Variants in COPG1 observed in about 807,000 individuals in gnomAD.
COPG1 encodes coatomer subunit gamma-1.
COPG1 carries 29 observed loss-of-function variants against 102.8 expected under a neutral mutation model. The observed-to-expected ratio is 0.28, with a 90% CI of 0.21 to 0.38. COPG1 has a LOEUF of 0.38. COPG1 is among the 10% of genes least tolerant of loss of function. The pLI is 1.00. For missense variants in COPG1, 875 were observed against 1,132.7 expected, an observed-to-expected ratio of 0.77 and a Z score of 3.27; for synonymous variants, 406 against 421.6, an observed-to-expected ratio of 0.96 and a Z score of 0.45.
rs763132545 is a variant in COPG1 at position 129,277,432 on chromosome 3, G to A, written c.*8G>A. The A allele has an allele frequency of 6.2e-7, 1 of 1,613,296 alleles. No individual in the cohort carries two copies. The highest frequency in any genetic ancestry group is 8.5e-7 in the Non-Finnish European group (1 of 1,179,616). On this transcript the variant is annotated 3_prime_UTR_variant, in exon 24 of 24. Transcript: ENST00000314797. ...TTGGCATCTGTGGGATAAGAGGCCA[G>A]CCTGCATAGGACCTCATACCCTTCC...
At chr3:129,270,678 T>C (rs1001347340) in intron 18 of COPG1, among the ~76,000 whole-genome samples, 1 of 152,164 alleles carries the variant, frequency 6.6e-6, no homozygotes, top group Admixed American at 6.5e-5. Context: ...AGGCTGACTT[T>C]TTGTGGAGGA....
At position 129,277,360 on chromosome 3, in the gene COPG1, T is replaced by C; in HGVS notation, c.2561T>C (p.Met854Thr). The C allele has an allele frequency of 6.2e-7, 1 of 1,614,072 alleles. No individual in the cohort carries two copies. Reference sequence around the variant, plus strand: ...CTGCTGCTTTTGGACACAGTGACAATGCAGGTGACAGCCAGAAGTTTGGAG... The same window carrying C: ...CTGCTGCTTTTGGACACAGTGACAACGCAGGTGACAGCCAGAAGTTTGGAG... Reference protein sequence around the residue: ...SRLLLLDTVTMQVTARSLEEL... With the variant: ...SRLLLLDTVTTQVTARSLEEL... Residue 854 changes from methionine (M) to threonine (T), a missense_variant, in exon 24 of 24, where the codon ATG (methionine) becomes ACG (threonine). Met to Thr is a moderately conservative substitution (Grantham distance 81, BLOSUM62 -1). Transcript: ENST00000314797.
intron 12 of COPG1, among the ~76,000 whole-genome samples, chr3:129,263,331 C>T (rs1362607001): frequency 6.6e-6 from 1 of 152,026 alleles, no homozygotes; most frequent in African/African-American, 2.4e-5. Context: ...TTTGTGGTTG[C>T]AGACATGTGG....
At chr3:129,264,667 A>G (rs1389706158) in intron 13 of COPG1, among the ~76,000 whole-genome samples, 2 of 152,034 alleles carry the variant, frequency 1.3e-5, no homozygotes, top group Non-Finnish European at 2.9e-5. Flanking sequence ...TTTTTTAAGT[A>G]GAGATGGGGT....
chr3:129,254,702 T>C lies in COPG1; in HGVS notation c.358T>C (p.Tyr120His), dbSNP rs1939769849. 6.2e-7 allele frequency: 1 copy of C among 1,614,046 alleles called. No homozygotes were observed. The change falls in exon 6 of 24, where the codon TAC becomes CAC. Residue 120 changes from tyrosine to histidine, a missense_variant. Coordinates refer to ENST00000314797, the MANE Select transcript of COPG1 (RefSeq NM_016128.4). ...AGACATGACTGGGAAAGAAGACAAC[T>C]ACCGGGGCCCGGCCGTGCGAGCCCT... is the stretch of plus-strand genomic sequence containing the variant. ...TKDMTGKEDN[Y>H]RGPAVRALCQ...
chr3:129,260,867 C>T, intron 12 of COPG1, 60 bp downstream of exon 12: 1 of 1,550,106 alleles, frequency 6.5e-7, no homozygotes, highest in Non-Finnish European at 8.8e-7. Flanking sequence ...TCCCTGCTCT[C>T]TGTGGCCACA....
At chr3:129,266,190 T>A (rs1410077996) in intron 14 of COPG1, among the ~76,000 whole-genome samples, 3 of 152,154 alleles carry the variant, frequency 2.0e-5, no homozygotes, top group Admixed American at 1.3e-4. Flanking sequence ...CAGGATTGTC[T>A]CGATCTCTTG....
chr3:129,265,527 T>C, intron 13 of COPG1, 22 bp from the exon 14 acceptor site: 6 of 1,612,968 alleles, frequency 3.7e-6, no homozygotes, highest in Non-Finnish European at 5.1e-6. Flanking sequence ...GGCTCCTTGC[T>C]TAGCTCAGCT....
intron 19 of COPG1, 141 bp downstream of exon 19, chr3:129,272,050 C>T (rs750611440): frequency 3.0e-5 from 33 of 1,085,874 alleles, no homozygotes; most frequent in South Asian, 2.7e-4. Context: ...CCCAACAGGT[C>T]GGTCTCTCAT....
intron 23 of COPG1, 140 bp from the exon 24 acceptor site, chr3:129,277,150 CCTCA>C: frequency 1.3e-6 from 1 of 785,792 alleles, no homozygotes; most frequent in Non-Finnish European, 2.1e-6. Flanking sequence ...CAGTGAAATC[CCTCA>C]CTCAGGGATT....
intron 13 of COPG1, 29 bp from the exon 14 acceptor site, chr3:129,265,520 T>C: frequency 1.9e-6 from 3 of 1,612,172 alleles, no homozygotes; most frequent in Non-Finnish European, 1.7e-6. Context: ...GAGAGCAGGC[T>C]CCTTGCTTAG....
chr3:129,272,930 A>C, intron 21 of COPG1, 26 bp downstream of exon 21: 89 of 1,419,716 alleles, frequency 6.3e-5, no homozygotes, highest in Middle Eastern at 1.8e-4. Flanking sequence ...CAGGAAGCTC[A>C]GTTTTGTGCT....
intron 10 of COPG1, among the ~76,000 whole-genome samples, chr3:129,259,477 AAAAG>A (rs796284499): frequency 0.04 from 5,933 of 149,994 alleles, 457 homozygotes; most frequent in African/African-American, 0.14. Flanking sequence ...AAAAAAAAAA[AAAAG>A]AAATGGAAAA....
chr3:129,269,347 T>C (rs772937083), intron 18 of COPG1, among the ~76,000 whole-genome samples: 9 of 152,162 alleles, frequency 5.9e-5, no homozygotes, highest in Non-Finnish European at 1.0e-4. Context: ...ACTGGTACTT[T>C]TTGTCGGGTT....
At chr3:129,269,982 C>A (rs1488659551) in intron 18 of COPG1, among the ~76,000 whole-genome samples, 1 of 149,008 alleles carries the variant, frequency 6.7e-6, no homozygotes, top group Non-Finnish European at 1.5e-5. Flanking sequence ...GCCCCTTCCA[C>A]CGTCTTTAAG....
At chr3:129,263,203 G>A (rs1050575353) in intron 12 of COPG1, among the ~76,000 whole-genome samples, 2 of 152,032 alleles carry the variant, frequency 1.3e-5, no homozygotes, top group Non-Finnish European at 1.5e-5. Flanking sequence ...GTTGAGGGGT[G>A]GATGTCAACA....
In COPG1 at chr3:129,257,554, G is replaced by A; in HGVS notation, c.664G>A (p.Gly222Ser). The A allele has an allele frequency of 2.5e-6, 4 of 1,614,192 alleles. No individual in the cohort carries two copies. Among genetic ancestry groups the A allele is most frequent in the Non-Finnish European group, 3.4e-6 (4 of 1,180,032 alleles). ...GATGATCAGCAAGGTCACACGGCAT[G>A]GCCTTAAGTCTCCCTTTGCCTACTG... ...NKMISKVTRH[G>S]LKSPFAYCMM... is the part of the protein sequence containing the mutation. Residue 222 changes from glycine to serine, a missense_variant, in exon 9 of 24, where the codon GGC (glycine) becomes AGC (serine). Gly to Ser is a moderately conservative substitution (Grantham distance 56). Transcript: ENST00000314797.
chr3:129,255,969 G>C (rs1254853647), intron 7 of COPG1, 99 bp from the exon 8 acceptor site: 3 of 960,770 alleles, frequency 3.1e-6, no homozygotes, highest in African/African-American at 1.6e-5. Flanking sequence ...GGACAGTGGC[G>C]AGCCCCTGAG....
In COPG1 at chr3:129,249,762, C is replaced by T. The variant is rs1489297876; in HGVS notation, c.37+16C>T. ...GAGGAGTCAGGTGAGGGGGCCAGGC[C>T]TGGGTCTGAGGGAGGCCGGACCCCC... On this transcript the variant is annotated intron_variant, in intron 1 of 23. Coordinates refer to ENST00000314797, the MANE Select transcript of COPG1 (RefSeq NM_016128.4). 1 of 1,550,634 alleles carries T rather than the reference C, an allele frequency of 6.4e-7. No individual in the cohort carries two copies. Among genetic ancestry groups the T allele is most frequent in the Admixed American group, 2.0e-5 (1 of 50,928 alleles).
Sources: gnomAD v4.1 joint callset for allele counts (sites outside exome capture counted in the v4.1 genomes callset) on GRCh38, gnomAD v4.1.1 for gene constraint, MANE v1.5 for transcripts, NCBI Gene and HGNC (gene_info 2026-07-23, HGNC 2026-07-21) for gene names.